LMAN2L: variants seen among roughly 807,000 people sequenced by gnomAD.
The protein encoded by LMAN2L is lectin, mannose binding 2 like.
In LMAN2L, 30 loss-of-function variants were observed where a neutral mutation model predicts 44.3. The observed-to-expected ratio is 0.68, with a 90% CI of 0.51 to 0.92. LMAN2L has a LOEUF of 0.92. Among genes scored for constraint, LMAN2L ranks in the 40% least tolerant of loss-of-function variants. The pLI is 0.00. For missense variants in LMAN2L, 429 were observed against 446.1 expected (o/e 0.96, Z 0.35); for synonymous variants, 183 against 171.1 (o/e 1.07, Z -0.54).
At chr2:96,733,491 T>C in intron 4 of LMAN2L, 28 bp downstream of exon 4, 3 of 1,544,898 alleles carry the variant, frequency 1.9e-6, no homozygotes, top group Non-Finnish European at 2.7e-6. Flanking sequence ...TCAGTGTAGC[T>C]GACCTAGGCT....
At chr2:96,714,793 C>T (rs944947372) in intron 4 of LMAN2L, among the ~76,000 whole-genome samples, 12 of 152,166 alleles carry the variant, frequency 7.9e-5, no homozygotes, top group Admixed American at 1.3e-4. Context: ...TTACTCTTCC[C>T]AAGGCTGGTG....
intron 2 of LMAN2L, among the ~76,000 whole-genome samples, chr2:96,735,128 T>C (rs1349105745): frequency 6.6e-6 from 1 of 152,148 alleles, no homozygotes; most frequent in Non-Finnish European, 1.5e-5. Flanking sequence ...CCCCAAACCC[T>C]CCCGTCCATG....
intron 1 of LMAN2L, among the ~76,000 whole-genome samples, chr2:96,738,322 C>T (rs1328545894): frequency 2.6e-5 from 4 of 152,044 alleles, no homozygotes; most frequent in Non-Finnish European, 5.9e-5. Context: ...CCATTCTTCC[C>T]GTTTTATATG....
At chr2:96,719,606 C>CT (rs2078109319) in intron 4 of LMAN2L, among the ~76,000 whole-genome samples, 1 of 151,292 alleles carries the variant, frequency 6.6e-6, no homozygotes, top group African/African-American at 2.4e-5. Flanking sequence ...AATTTTTTTT[C>CT]TTTTTTTGAC....
chr2:96,734,391 A>T lies in LMAN2L; in HGVS notation c.424+18T>A, dbSNP rs1553471548. The T allele has an allele frequency of 6.8e-7, 1 of 1,461,900 alleles. No individual in the cohort carries two copies. The highest frequency in any genetic ancestry group is 1.1e-5 in the South Asian group (1 of 88,082). The allele number at this position is 1,461,900 out of a possible 1,614,324, so 90.6% of individuals were successfully genotyped here. Reference sequence around the variant, plus strand: ...CAGGCTGTCACACCCACACAAGAGTAACACAGGCTCCCAATACCTGGCTGC... The same window carrying T: ...CAGGCTGTCACACCCACACAAGAGTTACACAGGCTCCCAATACCTGGCTGC... On this transcript the variant is annotated intron_variant, in intron 3 of 7. Coordinates refer to ENST00000264963, the MANE Select transcript of LMAN2L (RefSeq NM_030805.4).
chr2:96,735,556 C>T lies in LMAN2L; in HGVS notation c.307-1030G>A, dbSNP rs962173675. On this transcript the variant is annotated intron_variant, in intron 2 of 7. Coordinates refer to ENST00000264963, the MANE Select transcript of LMAN2L (RefSeq NM_030805.4). ...CTGTTTCATTACGATTTCAGAGAAA[C>T]GGCCCAGCGCGGTGGCTCACGCCTG... Among the ~76,000 whole-genome samples the T allele has an allele frequency of 5.9e-5, 9 of 152,198 alleles. No individual in the cohort carries two copies. The South Asian group carries it at 8.3e-4, about 14-fold the overall frequency.
At chr2:96,732,791 C>CTTT (rs567344079) in intron 4 of LMAN2L, among the ~76,000 whole-genome samples, 43 of 141,948 alleles carry the variant, frequency 3.0e-4, no homozygotes, top group East Asian at 1.3e-3. Flanking sequence ...TTCTTTCTTT[C>CTTT]TTTTTTTTTT....
At chr2:96,734,349 G>C in intron 3 of LMAN2L, 60 bp downstream of exon 3, 1 of 1,016,788 alleles carries the variant, frequency 9.8e-7, no homozygotes, top group East Asian at 2.4e-5. Flanking sequence ...TTTTCAAAAA[G>C]AGGGCACATG....
chr2:96,725,690 C>G (rs981497894), intron 4 of LMAN2L, among the ~76,000 whole-genome samples: 5 of 151,980 alleles, frequency 3.3e-5, no homozygotes, highest in Admixed American at 1.3e-4. Flanking sequence ...TGTCATCTGC[C>G]CGCCTCAGCC....
At chr2:96,719,107 TTATG>T (rs2078098773) in intron 4 of LMAN2L, among the ~76,000 whole-genome samples, 1 of 152,100 alleles carries the variant, frequency 6.6e-6, no homozygotes, top group African/African-American at 2.4e-5. Flanking sequence ...ATAGAGCCCA[TTATG>T]TATGTCTTTA....
At chr2:96,730,611 GCTTT>G (rs1327254540) in intron 4 of LMAN2L, among the ~76,000 whole-genome samples, 2 of 152,172 alleles carry the variant, frequency 1.3e-5, no homozygotes, top group African/African-American at 4.8e-5. Flanking sequence ...TACTGGCCCT[GCTTT>G]TCATTCTAGC....
intron 4 of LMAN2L, chr2:96,713,162 G>A: frequency 1.9e-6 from 3 of 1,550,072 alleles, no homozygotes; most frequent in Non-Finnish European, 1.7e-6. Context: ...AGCAGGTTAT[G>A]ATAAAAACAA....
intron 4 of LMAN2L, among the ~76,000 whole-genome samples, chr2:96,718,471 T>C (rs937009560): frequency 1.1e-4 from 16 of 152,218 alleles, no homozygotes; most frequent in Non-Finnish European, 2.2e-4. Flanking sequence ...TTTTTCAGCA[T>C]TTTCTAATTC....
intron 4 of LMAN2L, among the ~76,000 whole-genome samples, chr2:96,721,326 CTTT>C (rs56023035): frequency 1.2e-3 from 98 of 84,590 alleles, no homozygotes; most frequent in Middle Eastern, 7.7e-3. Flanking sequence ...TTCTTTCAGT[CTTT>C]TTTTTTTTTT....
chr2:96,725,984 T>C (rs984795748), intron 4 of LMAN2L, among the ~76,000 whole-genome samples: 1 of 151,488 alleles, frequency 6.6e-6, no homozygotes, highest in Non-Finnish European at 1.5e-5. Flanking sequence ...ATACAGAAAT[T>C]AGCCAGGCGT....
At chr2:96,729,679 T>A (rs1219799087) in intron 4 of LMAN2L, among the ~76,000 whole-genome samples, 2 of 151,954 alleles carry the variant, frequency 1.3e-5, no homozygotes, top group African/African-American at 4.8e-5. Context: ...TGGCTAATTT[T>A]GTATTTTTAG....
rs1209674364 is a variant in LMAN2L, at chr2:96,706,344, A to T, written c.*912T>A. 2.0e-5 allele frequency: 3 copies of T among 152,256 alleles called. No individual in the cohort carries two copies. The highest frequency in any genetic ancestry group is 4.4e-5 in the Non-Finnish European group (3 of 68,032). 9.4% of individuals were successfully genotyped at this position (152,256 alleles called of 1,614,324 possible). On this transcript the variant is annotated 3_prime_UTR_variant, in exon 8 of 8. Transcript: ENST00000264963. ...AATCGTAACTACAAAACATGCAGCT[A>T]AGCAGGCTCTAGCAAGTCCAGAAAC...
chr2:96,739,043 A>G (rs1197732703), intron 1 of LMAN2L, among the ~76,000 whole-genome samples: 1 of 152,204 alleles, frequency 6.6e-6, no homozygotes, highest in Non-Finnish European at 1.5e-5. Flanking sequence ...CCCAGCCGTC[A>G]CATTCTTTCT....
At chr2:96,708,909 T>C (rs986732183) in intron 6 of LMAN2L, among the ~76,000 whole-genome samples, 5 of 52,770 alleles carry the variant, frequency 9.5e-5, no homozygotes. Flanking sequence ...GAAGTTAGAC[T>C]TTTTTTTTTT....
Sources: gnomAD v4.1 joint callset for allele counts (sites outside exome capture counted in the v4.1 genomes callset) on GRCh38, gnomAD v4.1.1 for gene constraint, MANE v1.5 for transcripts, NCBI Gene and HGNC (gene_info 2026-07-23, HGNC 2026-07-21) for gene names.